Variants in ELK1 observed in about 807,000 individuals in gnomAD.
ELK1 encodes ETS transcription factor ELK1.
For missense variants in ELK1, 254 were observed against 381.5 expected (o/e 0.67, Z 2.78); for synonymous variants, 163 against 176.3 (o/e 0.92, Z 0.60).
rs774293330 is a variant in ELK1, at chrX:47,636,883, G to A, written c.1233C>T (p.Ser411=). 126 of 1,167,928 alleles carry A rather than the reference G, an allele frequency of 1.1e-4. 1 individual carries two copies. In the East Asian group the frequency reaches 3.9e-3, roughly 36 times the overall value. The part of the protein sequence containing the change: ...GSAQVHIPSI[S]VDGLSTPVVL... ...CCACGGGGGTCGAGAGGCCATCCACGCTGATAGAAGGGATGTGCACCTGGG... is the reference window on the plus strand; with the variant it reads ...CCACGGGGGTCGAGAGGCCATCCACACTGATAGAAGGGATGTGCACCTGGG... Residue 411 remains serine, a synonymous_variant, in exon 7 of 7, where the codon AGC becomes AGT. Transcript: ENST00000376983.
rs1434835338 is a variant in ELK1 at position 47,650,412 on chromosome X, C to T, written c.-141+11G>A. 2.9e-6 allele frequency: 1 copy of T among 342,966 alleles called. No individual in the cohort carries two copies. Among genetic ancestry groups the T allele is most frequent in the East Asian group, 9.8e-5 (1 of 10,177 alleles). The allele number at this position is 342,966 out of a possible 1,213,427, so 28.3% of individuals were successfully genotyped here. A position where few individuals can be genotyped will look rare whatever the true frequency, so the allele number is the denominator to read the frequency against. On this transcript the variant is annotated intron_variant, in intron 1 of 6. Transcript: ENST00000376983. ...GGACTGGGCCCTCCACCCTCCAGGC[C>T]CAGAGCTCACCTGTGTGTAGCGTGG...
At chrX:47,641,096 G>A in intron 3 of ELK1, 136 bp downstream of exon 3, 1 of 727,304 alleles carries the variant, frequency 1.4e-6, no homozygotes, top group African/African-American at 2.1e-5. Flanking sequence ...ACTGGTCTTA[G>A]GGTACCAATG....
rs34192257 is a variant in ELK1, at chrX:47,647,160, G to GTTT, written c.-35+2758_-35+2760dup. On this transcript the variant is annotated intron_variant, in intron 2 of 6. Coordinates refer to ENST00000376983, the MANE Select transcript of ELK1 (RefSeq NM_001114123.3). ...CACATAGTCTGTCTCCCCAGCTTGG[G>GTTT]TTTTTTTTTTTTTTTTTTTGAGACA... is the stretch of plus-strand genomic sequence containing the variant. 2.7e-4 allele frequency among the ~76,000 whole-genome samples: 22 copies of GTTT among 81,062 alleles called. 1 individual carries two copies. Among genetic ancestry groups the GTTT allele is most frequent in the Non-Finnish European group, 4.6e-4 (19 of 41,480 alleles). The allele number at this position is 81,062 out of a possible 115,157, so 70.4% of individuals were successfully genotyped here.
At chrX:47,640,553 G>A (rs2058025029) in intron 3 of ELK1, among the ~76,000 whole-genome samples, 3 of 110,807 alleles carry the variant, frequency 2.7e-5, no homozygotes, top group African/African-American at 9.9e-5. Context: ...GCAGGATGGG[G>A]GAAATTTTAA....
At position 47,636,894 on chromosome X, in the gene ELK1, G is replaced by A; in HGVS notation, c.1222C>T (p.Pro408Ser). Reference sequence around the variant, plus strand: ...GAGAGGCCATCCACGCTGATAGAAGGGATGTGCACCTGGGCGCTGCCACTG... The same window carrying A: ...GAGAGGCCATCCACGCTGATAGAAGAGATGTGCACCTGGGCGCTGCCACTG... The part of the protein sequence containing the change: ...PSSGSAQVHI[P>S]SISVDGLSTP... The change falls in exon 7 of 7, where the codon CCT becomes TCT. Residue 408 changes from proline to serine, a missense_variant. By Grantham distance (74) the Pro-to-Ser change is moderately conservative. Transcript: ENST00000376983. The A allele has an allele frequency of 8.5e-7, 1 of 1,174,775 alleles. No homozygotes were observed. The highest frequency in any genetic ancestry group is 1.1e-6 in the Non-Finnish European group (1 of 876,127).
chrX:47,648,650 G>A (rs2058050537), intron 2 of ELK1, among the ~76,000 whole-genome samples: 1 of 112,448 alleles, frequency 8.9e-6, no homozygotes, highest in Non-Finnish European at 1.9e-5. Flanking sequence ...TGTTTGAGGA[G>A]CTGTGTGGTG....
chrX:47,644,391 T>A (rs899353616), intron 2 of ELK1, among the ~76,000 whole-genome samples: 5 of 111,582 alleles, frequency 4.5e-5, no homozygotes, highest in African/African-American at 1.6e-4. Flanking sequence ...GGCCAGGTGC[T>A]GCGGATACAG....
At chrX:47,643,162 A>G (rs945895677) in intron 2 of ELK1, among the ~76,000 whole-genome samples, 3 of 110,976 alleles carry the variant, frequency 2.7e-5, no homozygotes, top group African/African-American at 6.6e-5. Flanking sequence ...GGCTCAAGCA[A>G]TCCTCTCTCC....
Position 47,637,789 on chromosome X carries a change from G to A in ELK1, c.1048C>T (p.Pro350Ser), listed in dbSNP as rs1214598916. The part of the protein sequence containing the change: ...GSGSGLQAPG[P>S]ALTPSLLPTH... ...GGAAGCAGGGATGGGGTCAGCGCCG[G>A]CCCCGGAGCCTGGAGGCCGGAGCCA... Residue 350 changes from proline (P) to serine (S), a missense_variant, in exon 5 of 7, where the codon CCG becomes TCG. Physicochemically the swap from Pro to Ser is moderately conservative, Grantham distance 74 (BLOSUM62 -1). Transcript: ENST00000376983. The A allele has an allele frequency of 1.7e-6, 2 of 1,195,820 alleles. No individual in the cohort carries two copies. Among genetic ancestry groups the A allele is most frequent in the Admixed American group, 2.3e-5 (1 of 44,420 alleles).
intron 5 of ELK1, 36 bp downstream of exon 5, chrX:47,637,715 G>C: frequency 8.7e-7 from 1 of 1,154,352 alleles, no homozygotes; most frequent in Non-Finnish European, 1.2e-6. Flanking sequence ...CATTGGTGCT[G>C]GCGCCCACAC....
At chrX:47,642,771 G>C (rs1446021362) in intron 2 of ELK1, among the ~76,000 whole-genome samples, 1 of 110,490 alleles carries the variant, frequency 9.1e-6, no homozygotes, top group Non-Finnish European at 1.9e-5. Flanking sequence ...GCTAATTTTT[G>C]TATTTTTAGT....
intron 4 of ELK1, 60 bp from the exon 5 acceptor site, chrX:47,638,242 C>T: frequency 8.6e-7 from 1 of 1,158,507 alleles, no homozygotes; most frequent in Non-Finnish European, 1.2e-6. Flanking sequence ...CAGGATTCTC[C>T]TGTGGGCCAC....
In ELK1 at chrX:47,638,361, T is replaced by TG. The variant is rs1367882390; in HGVS notation, c.655-180dup. ...TTCGTCAAGGAAGTAGGGCTTCCTC[T>TG]GGGGCAGGTCCTCCTATGGGACAGG... On this transcript the variant is annotated intron_variant, in intron 4 of 6. Transcript: ENST00000376983. Among the ~76,000 whole-genome samples, 4 of 112,574 alleles carry TG rather than the reference T, an allele frequency of 3.6e-5. No homozygotes were observed. In the East Asian group the frequency reaches 1.1e-3, roughly 32 times the overall value.
At chrX:47,645,487 G>T (rs903653737) in intron 2 of ELK1, among the ~76,000 whole-genome samples, 1 of 111,968 alleles carries the variant, frequency 8.9e-6, no homozygotes, top group Non-Finnish European at 1.9e-5. Context: ...TACACCACCA[G>T]TTCTCCATGA....
In ELK1 at chrX:47,637,038, C is replaced by T. The variant is rs763209954; in HGVS notation, c.1163G>A (p.Arg388His). The T allele has an allele frequency of 8.3e-7, 1 of 1,210,448 alleles. No homozygotes were observed. The highest frequency in any genetic ancestry group is 1.1e-6 in the Non-Finnish European group (1 of 895,021). ...FWSTLSPIAPRSPAKLSFQFP... is the reference protein window; with the variant it reads ...FWSTLSPIAPHSPAKLSFQFP... ...CTGGAAGGAGAGCTTGGCCGGGCTACGGGGCGCAATGGGACTCAGGGTGCT... is the reference window on the plus strand; with the variant it reads ...CTGGAAGGAGAGCTTGGCCGGGCTATGGGGCGCAATGGGACTCAGGGTGCT... Residue 388 changes from arginine to histidine, a missense_variant, in exon 6 of 7, where the codon CGT becomes CAT. Coordinates refer to ENST00000376983, the MANE Select transcript of ELK1 (RefSeq NM_001114123.3).
chrX:47,645,431 C>T (rs908465122), intron 2 of ELK1, among the ~76,000 whole-genome samples: 3 of 111,831 alleles, frequency 2.7e-5, no homozygotes, highest in Non-Finnish European at 3.8e-5. Context: ...GTTGGCAGAG[C>T]CGGAATTCAA....
chrX:47,641,750 AGGCCAAAT>A (rs1476302930), intron 2 of ELK1, among the ~76,000 whole-genome samples: 1 of 112,240 alleles, frequency 8.9e-6, no homozygotes, highest in Non-Finnish European at 1.9e-5. Flanking sequence ...AGACTGTGGT[AGGCCAAAT>A]GATGCCAACC....
At chrX:47,645,293 CTT>C (rs1280593768) in intron 2 of ELK1, among the ~76,000 whole-genome samples, 2 of 111,567 alleles carry the variant, frequency 1.8e-5, no homozygotes, top group Non-Finnish European at 3.8e-5. Flanking sequence ...GCTGCACACT[CTT>C]TGAATCATTT....
Position 47,650,180 on chromosome X carries a change from GA to G in ELK1, c.-140-155del, listed in dbSNP as rs1211221814. ...CGAGTCCACCCTAAGTTGGCGTGGG[GA>G]AAAACATAAGCACGCAGACCGATCC... On this transcript the variant is annotated intron_variant, in intron 1 of 6. Transcript: ENST00000376983. Among the ~76,000 whole-genome samples, 3 of 109,736 alleles carry G rather than the reference GA, an allele frequency of 2.7e-5. No homozygotes were observed. In the East Asian group the frequency reaches 8.7e-4, roughly 32 times the overall value.
Sources: gnomAD v4.1 joint callset for allele counts (sites outside exome capture counted in the v4.1 genomes callset) on GRCh38, gnomAD v4.1.1 for gene constraint, MANE v1.5 for transcripts, NCBI Gene and HGNC (gene_info 2026-07-23, HGNC 2026-07-21) for gene names.